ALDH1L1: variants seen among roughly 807,000 people sequenced by gnomAD.
ALDH1L1 encodes the protein cytosolic 10-formyltetrahydrofolate dehydrogenase.
ALDH1L1 carries 68 observed loss-of-function variants against 101.1 expected under a neutral mutation model. That is an observed-to-expected ratio of 0.67 (90% CI 0.55 to 0.82). The LOEUF (loss-of-function observed/expected upper bound fraction) is 0.82, where lower values mean the gene tolerates loss of function less well. Among genes scored for constraint, ALDH1L1 ranks in the 40% least tolerant of loss-of-function variants. The probability of loss-of-function intolerance (pLI) is 0.00; values close to 1 mark genes in which losing one functional copy is unlikely to be tolerated. For synonymous variants in ALDH1L1, 486 were observed against 470.8 expected, an observed-to-expected ratio of 1.03 and a Z score of -0.42; for missense variants, 1,087 against 1,172.7, an observed-to-expected ratio of 0.93 and a Z score of 1.07.
chr3:126,125,897 G>T (rs2108222939), intron 14 of ALDH1L1, among the ~76,000 whole-genome samples, 176 bp from the exon 15 acceptor site: 1 of 152,336 alleles, frequency 6.6e-6, no homozygotes, highest in South Asian at 2.1e-4. Flanking sequence ...TGTCCTGGAT[G>T]CTACAGTAAG....
upstream of ALDH1L1, chr3:126,181,365 C>A (rs1395549356): frequency 9.3e-6 from 3 of 321,634 alleles, no homozygotes; most frequent in Admixed American, 1.2e-4. Context: ...CCCTGCTAAG[C>A]CTCACTTCTT....
chr3:126,172,348 A>G (rs1174254307), intron 1 of ALDH1L1, among the ~76,000 whole-genome samples: 1 of 152,180 alleles, frequency 6.6e-6, no homozygotes, highest in Admixed American at 6.6e-5. Flanking sequence ...AACATATAAG[A>G]ACAAATTGGT....
chr3:126,154,559 C>T lies in ALDH1L1; in HGVS notation c.715G>A (p.Glu239Lys). 6.2e-7 allele frequency: 1 copy of T among 1,614,154 alleles called. No homozygotes were observed. ...CCAGCCATGCAGGGACACACCTGTT[C>T]ACAGGCCTCTGTCCAGGCTCCCGGC... ...KVPGAWTEAC[E>K]QKLTFFNSTL... is the part of the protein sequence containing the mutation. Residue 239 changes from glutamate (E) to lysine (K), a missense_variant, in exon 6 of 23, where the codon GAA becomes AAA. By Grantham distance (56) the Glu-to-Lys change is moderately conservative (BLOSUM62 1). This residue lies in a region of ALDH1L1 where 645 missense variants were observed against 637.0 expected (regional missense o/e 1.01). Transcript: ENST00000393434.
At chr3:126,180,734 A>G (rs2081461898), upstream of ALDH1L1, 2 of 1,417,680 alleles carry the variant, frequency 1.4e-6, no homozygotes, top group Admixed American at 2.8e-5. Flanking sequence ...CGGGTCTATA[A>G]ATGCCATGTA....
chr3:126,131,021 G>C (rs2080289578), intron 13 of ALDH1L1, among the ~76,000 whole-genome samples: 2 of 152,240 alleles, frequency 1.3e-5, no homozygotes, highest in South Asian at 4.1e-4. Flanking sequence ...GGGAGATACA[G>C]TGCCCTGAGC....
chr3:126,180,707 A>T (rs1248496128), upstream of ALDH1L1: 1 of 1,390,234 alleles, frequency 7.2e-7, no homozygotes, highest in African/African-American at 1.5e-5. Context: ...GCGGGAGCGC[A>T]GCGCACCCTC....
At chr3:126,118,874 A>G (rs1443697472) in intron 16 of ALDH1L1, among the ~76,000 whole-genome samples, 1 of 151,354 alleles carries the variant, frequency 6.6e-6, no homozygotes, top group Non-Finnish European at 1.5e-5. Context: ...CCCAGCCCCT[A>G]CTCCGAGCCA....
intron 17 of ALDH1L1, 71 bp downstream of exon 17, chr3:126,117,934 T>C: frequency 2.1e-6 from 3 of 1,426,864 alleles, no homozygotes; most frequent in Non-Finnish European, 2.9e-6. Context: ...ACACAGCTCC[T>C]GGGACAGCAC....
At chr3:126,183,720 G>T (rs375181149), upstream of ALDH1L1, among the ~76,000 whole-genome samples, 148 of 152,288 alleles carry the variant, frequency 9.7e-4, no homozygotes, top group East Asian at 4.4e-3. Flanking sequence ...GTGGGTGCAG[G>T]GGGGAGGCGC....
At chr3:126,104,157 A>G (rs528051361) in intron 22 of ALDH1L1, 9 of 440,818 alleles carry the variant, frequency 2.0e-5, no homozygotes, top group African/African-American at 1.6e-4. Context: ...ACTTGGCGTT[A>G]CTGCCCAGAC....
chr3:126,111,776 C>T (rs1165542619), intron 19 of ALDH1L1, among the ~76,000 whole-genome samples: 1 of 152,190 alleles, frequency 6.6e-6, no homozygotes, highest in Non-Finnish European at 1.5e-5. Flanking sequence ...CTGTTTCTCC[C>T]GCATCCCTGC....
In ALDH1L1 at chr3:126,154,662, G is replaced by A. The variant is rs1300599117; in HGVS notation, c.631-19C>T. On this transcript the variant is annotated intron_variant, in intron 5 of 22. Coordinates refer to ENST00000393434, the MANE Select transcript of ALDH1L1 (RefSeq NM_012190.4). Reference sequence around the variant, plus strand: ...AGTTGATCTGTGGGGAGCAAGGTGTGTGTGCTCAGCTGGTCTCTCCTCACT... The same window carrying A: ...AGTTGATCTGTGGGGAGCAAGGTGTATGTGCTCAGCTGGTCTCTCCTCACT... 1 of 1,612,124 alleles carries A rather than the reference G, an allele frequency of 6.2e-7. No individual in the cohort carries two copies. The highest frequency in any genetic ancestry group is 8.5e-7 in the Non-Finnish European group (1 of 1,178,428).
chr3:126,112,651 C>A, intron 19 of ALDH1L1, 131 bp downstream of exon 19: 1 of 809,216 alleles, frequency 1.2e-6, no homozygotes, highest in Non-Finnish European at 2.0e-6. Context: ...CCCTGACCCC[C>A]GGGGGGAGTG....
rs761006848 is a variant in ALDH1L1, at chr3:126,112,732, G to A, written c.2181+50C>T. 7.5e-5 allele frequency: 103 copies of A among 1,379,586 alleles called. No homozygotes were observed. In the East Asian group the frequency reaches 1.6e-3, roughly 21 times the overall value. The allele number at this position is 1,379,586 out of a possible 1,614,324, so 85.5% of individuals were successfully genotyped here. A position where few individuals can be genotyped will look rare whatever the true frequency, so the allele number is the denominator to read the frequency against. On this transcript the variant is annotated intron_variant, in intron 19 of 22. Coordinates refer to ENST00000393434, the MANE Select transcript of ALDH1L1 (RefSeq NM_012190.4). ...CTCCTCCAACCCCCTCCAGCCAGGC[G>A]CTGCTGTCCCAGTGAACCAGCCGCC...
At chr3:126,187,838 A>T (rs2081529781) in intron 1 of ALDH1L1, among the ~76,000 whole-genome samples, 1 of 152,156 alleles carries the variant, frequency 6.6e-6, no homozygotes, top group Non-Finnish European at 1.5e-5. Context: ...GACCCAGAAC[A>T]GAAGGTGGAG....
chr3:126,112,732 G>T, intron 19 of ALDH1L1, 50 bp downstream of exon 19: 1 of 1,379,582 alleles, frequency 7.2e-7, no homozygotes, highest in Non-Finnish European at 9.8e-7. Flanking sequence ...CCAGCCAGGC[G>T]CTGCTGTCCC....
At chr3:126,183,021 A>G (rs2081489706), upstream of ALDH1L1, among the ~76,000 whole-genome samples, 1 of 152,216 alleles carries the variant, frequency 6.6e-6, no homozygotes, top group African/African-American at 2.4e-5. Context: ...TATGATGCTA[A>G]AACTAACAAA....
At chr3:126,138,431 T>C (rs1218418053) in intron 9 of ALDH1L1, among the ~76,000 whole-genome samples, 1 of 152,100 alleles carries the variant, frequency 6.6e-6, no homozygotes, top group African/African-American at 2.4e-5. Context: ...CAAAACTCAA[T>C]ACTAAGAAAG....
Position 126,153,600 on chromosome 3 carries a change from T to C in ALDH1L1, c.721-19A>G, listed in dbSNP as rs78132762. 8.9e-3 allele frequency: 14,369 copies of C among 1,605,950 alleles called. 707 individuals carry two copies. The African/African-American group carries it at 0.13, about 14-fold the overall frequency. ...TCAGTTTCTGTCAAGGGGAGAAATA[T>C]CAGAAGATGGTGGGTGAGAAGAAGC... On this transcript the variant is annotated intron_variant, in intron 6 of 22. Coordinates refer to ENST00000393434, the MANE Select transcript of ALDH1L1 (RefSeq NM_012190.4).
Sources: allele counts gnomAD v4.1 joint callset (sites outside exome capture counted in the v4.1 genomes callset), GRCh38; gene constraint gnomAD v4.1.1; regional missense constraint gnomAD v4.1.1; transcripts MANE v1.5; gene names NCBI Gene and HGNC (gene_info 2026-07-23, HGNC 2026-07-21).